The following PTPN14 variants were observed in gnomAD, a reference collection of about 807,000 sequenced individuals.
The protein encoded by PTPN14 is tyrosine-protein phosphatase non-receptor type 14.
PTPN14 carries 53 observed loss-of-function variants against 126.8 expected under a neutral mutation model. That is an observed-to-expected ratio of 0.42 (90% CI 0.34 to 0.53). The LOEUF is 0.53. Among genes scored for constraint, PTPN14 ranks in the 20% least tolerant of loss-of-function variants. The pLI is 0.08. For missense variants in PTPN14, 1,257 were observed against 1,552.9 expected (o/e 0.81, Z 3.20); for synonymous variants, 630 against 599.3 (o/e 1.05, Z -0.75).
intron 1 of PTPN14, among the ~76,000 whole-genome samples, chr1:214,490,579 G>A (rs1277189839): frequency 6.6e-6 from 1 of 151,910 alleles, no homozygotes; most frequent in Non-Finnish European, 1.5e-5. Context: ...GCTCACACCT[G>A]TAATCTCAAT....
At position 214,356,614 on chromosome 1, in the gene PTPN14, C is replaced by T. The variant is rs76734249; in HGVS notation, c.*1308G>A. 2 of 152,102 alleles carry T rather than the reference C, an allele frequency of 1.3e-5. No individual in the cohort carries two copies. The highest frequency in any genetic ancestry group is 2.9e-5 in the Non-Finnish European group (2 of 68,036). 9.4% of individuals were successfully genotyped at this position (152,102 alleles called of 1,614,324 possible). A position where few individuals can be genotyped will look rare whatever the true frequency, so the allele number is the denominator to read the frequency against. On this transcript the variant is annotated 3_prime_UTR_variant, in exon 19 of 19. Coordinates refer to ENST00000366956, the MANE Select transcript of PTPN14 (RefSeq NM_005401.5). The stretch of plus-strand genomic sequence containing the variant: ...CTTCAAAGTGAAGATAACTGACCAG[C>T]GAGTGGATTTTATGAAGAAAAGGAA...
At chr1:214,413,421 C>G (rs888476395) in intron 4 of PTPN14, among the ~76,000 whole-genome samples, 3 of 152,122 alleles carry the variant, frequency 2.0e-5, no homozygotes, top group African/African-American at 7.2e-5. Context: ...GTTGTTAATA[C>G]TTCAGAATGA....
chr1:214,403,387 C>T (rs1216045513), intron 5 of PTPN14, among the ~76,000 whole-genome samples: 3 of 152,118 alleles, frequency 2.0e-5, no homozygotes, highest in Non-Finnish European at 4.4e-5. Context: ...TTTCTGTATA[C>T]CAGGAAACGA....
At chr1:214,431,425 A>G (rs1659794848) in intron 3 of PTPN14, among the ~76,000 whole-genome samples, 2 of 152,214 alleles carry the variant, frequency 1.3e-5, no homozygotes, top group Non-Finnish European at 2.9e-5. Context: ...TCTTCACAAG[A>G]GCTTCTGTTC....
rs182176761 is a variant in PTPN14 at position 214,392,986 on chromosome 1, C to T, written c.929+709G>A. Among the ~76,000 whole-genome samples, 9 of 152,246 alleles carry T rather than the reference C, an allele frequency of 5.9e-5. No individual in the cohort carries two copies. In the East Asian group the frequency reaches 1.7e-3, roughly 29 times the overall value. ...TTGAAACAAAATTAAACACATTGGG[C>T]GCCCAAACCGCTGAATGTATTCAGC... On this transcript the variant is annotated intron_variant, in intron 10 of 18. Coordinates refer to ENST00000366956, the MANE Select transcript of PTPN14 (RefSeq NM_005401.5).
intron 1 of PTPN14, among the ~76,000 whole-genome samples, chr1:214,508,914 A>T (rs1264516926): frequency 6.6e-6 from 1 of 152,226 alleles, no homozygotes; most frequent in Non-Finnish European, 1.5e-5. Context: ...ATTTTGAAAG[A>T]AATTTTGTTA....
At chr1:214,372,670 C>T (rs765608132) in intron 16 of PTPN14, 41 bp downstream of exon 16, 1 of 1,613,086 alleles carries the variant, frequency 6.2e-7, no homozygotes, top group South Asian at 1.1e-5. Flanking sequence ...GCCACCCTTT[C>T]CCCTGGGGAA....
intron 3 of PTPN14, among the ~76,000 whole-genome samples, chr1:214,434,680 G>C (rs1241733314): frequency 6.6e-6 from 1 of 152,166 alleles, no homozygotes; most frequent in Non-Finnish European, 1.5e-5. Context: ...AAAGATATTT[G>C]AAAATTACAT....
intron 4 of PTPN14, among the ~76,000 whole-genome samples, chr1:214,412,843 T>G (rs1659339634): frequency 6.6e-6 from 1 of 151,862 alleles, no homozygotes; most frequent in African/African-American, 2.4e-5. Context: ...GAGGAAAGAG[T>G]ACATGCAGTA....
chr1:214,468,363 C>G (rs1332824801), intron 1 of PTPN14, among the ~76,000 whole-genome samples: 1 of 152,142 alleles, frequency 6.6e-6, no homozygotes, highest in African/African-American at 2.4e-5. Context: ...TGAGACCAGC[C>G]TGGCCAACAT....
Position 214,451,789 on chromosome 1 carries a change from G to A in PTPN14, c.344+16C>T, listed in dbSNP as rs779798880. 1.9e-5 allele frequency: 30 copies of A among 1,612,638 alleles called. No individual in the cohort carries two copies. The highest frequency in any genetic ancestry group is 2.7e-5 in the African/African-American group (2 of 74,862). On this transcript the variant is annotated intron_variant, in intron 3 of 18. Transcript: ENST00000366956. ...TCAACACCCTTATATGGCACACAGG[G>A]GGAAAATGCACCTACCTTGTGGCCT...
rs574964781 is a variant in PTPN14 at position 214,422,639 on chromosome 1, C to T, written c.345-7913G>A. Among the ~76,000 whole-genome samples the T allele has an allele frequency of 2.6e-5, 4 of 152,258 alleles. No individual in the cohort carries two copies. In the South Asian group the frequency reaches 6.2e-4, roughly 24 times the overall value. On this transcript the variant is annotated intron_variant, in intron 3 of 18. Coordinates refer to ENST00000366956, the MANE Select transcript of PTPN14 (RefSeq NM_005401.5). ...TCTTCCTGGTAAACGGCCACGTTCC[C>T]GGCTAAGGATTCTGCATAACATCCT...
At chr1:214,460,524 A>AACACACACACACACACACACACACAC (rs10522279) in intron 2 of PTPN14, among the ~76,000 whole-genome samples, 1 of 132,574 alleles carries the variant, frequency 7.5e-6, no homozygotes, top group African/African-American at 3.0e-5. Flanking sequence ...TGAAAATTCC[A>AACACACACACACACACACACACACAC]ACACACACAC....
chr1:214,495,928 T>C (rs6665797), intron 1 of PTPN14, among the ~76,000 whole-genome samples: 139,079 of 152,126 alleles, frequency 0.91, 63,690 homozygotes, highest in African/African-American at 0.97. Flanking sequence ...TCCCGACCTC[T>C]GGTGATCCGC....
rs56080046 is a variant in PTPN14 at position 214,350,707 on chromosome 1, A to ATTTTTTTTTTTTTTTTTTT, written c.*7196_*7214dup. 2.3e-4 allele frequency: 17 copies of ATTTTTTTTTTTTTTTTTTT among 74,526 alleles called. No homozygotes were observed. Among genetic ancestry groups the ATTTTTTTTTTTTTTTTTTT allele is most frequent in the East Asian group, 7.7e-4 (2 of 2,610 alleles). The allele number at this position is 74,526 out of a possible 1,614,324, so 4.6% of individuals were successfully genotyped here. On this transcript the variant is annotated 3_prime_UTR_variant, in exon 19 of 19. Coordinates refer to ENST00000366956, the MANE Select transcript of PTPN14 (RefSeq NM_005401.5). ...AGGCATGTGCCACCATGCCTGGCTA[A>ATTTTTTTTTTTTTTTTTTT]TTTTTTTTTTTTTTTTTTTTTTTGT...
At chr1:214,516,591 G>A (rs148164437) in intron 1 of PTPN14, among the ~76,000 whole-genome samples, 231 of 152,248 alleles carry the variant, frequency 1.5e-3, no homozygotes, top group African/African-American at 4.9e-3. Context: ...ACAAAATGTG[G>A]TTGGTAAAGT....
intron 3 of PTPN14, among the ~76,000 whole-genome samples, chr1:214,443,661 A>C (rs1660081839): frequency 6.6e-6 from 1 of 152,112 alleles, no homozygotes; most frequent in Non-Finnish European, 1.5e-5. Context: ...TGCAGAGTCT[A>C]GCGCAAAGTG....
At position 214,383,567 on chromosome 1, in the gene PTPN14, G is replaced by C; in HGVS notation, c.2288C>G (p.Ala763Gly). The C allele has an allele frequency of 6.2e-7, 1 of 1,613,820 alleles. No homozygotes were observed. Residue 763 changes from alanine to glycine, a missense_variant, in exon 13 of 19, where the codon GCT (alanine) becomes GGT (glycine). Ala to Gly is a moderately conservative substitution (Grantham distance 60). Coordinates refer to ENST00000366956, the MANE Select transcript of PTPN14 (RefSeq NM_005401.5). The surrounding 1 kb of genome is among the most constrained non-coding windows in gnomAD (Gnocchi z 4.4). ...PGPRKSVSNG[A>G]LRQDQASLPP... is the part of the protein sequence containing the mutation. ...AAGGCTGGCTTGGTCCTGCCTCAGAGCCCCATTGCTCACACTCTTCCTTGG... is the reference window on the plus strand; with the variant it reads ...AAGGCTGGCTTGGTCCTGCCTCAGACCCCCATTGCTCACACTCTTCCTTGG...
At chr1:214,413,065 CAG>C (rs1431230772) in intron 4 of PTPN14, among the ~76,000 whole-genome samples, 2 of 152,248 alleles carry the variant, frequency 1.3e-5, no homozygotes, top group South Asian at 2.1e-4. Flanking sequence ...TTCGTAGAGA[CAG>C]AGTCTCGTTT....
Sources: gnomAD v4.1 joint callset for allele counts (sites outside exome capture counted in the v4.1 genomes callset) on GRCh38, gnomAD v4.1.1 for gene constraint, Gnocchi (gnomAD v3.1) non-coding constraint, MANE v1.5 for transcripts, NCBI Gene and HGNC (gene_info 2026-07-23, HGNC 2026-07-21) for gene names.